NCALD: variants seen among roughly 807,000 people sequenced by gnomAD.
NCALD encodes the protein neurocalcin delta.
NCALD carries 10 observed loss-of-function variants against 18.6 expected under a neutral mutation model. The observed-to-expected ratio is 0.54, with a 90% CI of 0.33 to 0.91. The LOEUF (loss-of-function observed/expected upper bound fraction) is 0.91. Among genes scored for constraint, NCALD ranks in the 40% least tolerant of loss-of-function variants. The pLI is 0.03. For synonymous variants in NCALD, 88 were observed against 87.4 expected (o/e 1.01, Z -0.04); for missense variants, 184 against 247.6 (o/e 0.74, Z 1.72).
chr8:102,095,298 T>C (rs1231907064), intron 1 of NCALD, among the ~76,000 whole-genome samples: 2 of 152,060 alleles, frequency 1.3e-5, no homozygotes, highest in African/African-American at 4.8e-5. Context: ...GTGGGTGGCT[T>C]GTGCTAAAGA....
intron 1 of NCALD, among the ~76,000 whole-genome samples, chr8:101,774,689 C>T (rs867211709): frequency 6.6e-6 from 1 of 152,074 alleles, no homozygotes; most frequent in Non-Finnish European, 1.5e-5. Flanking sequence ...AGGCAATAGG[C>T]GCCATGAATG....
At chr8:101,732,975 G>A (rs141295939) in intron 1 of NCALD, among the ~76,000 whole-genome samples, 48 of 152,140 alleles carry the variant, frequency 3.2e-4, no homozygotes, top group Middle Eastern at 3.4e-3. Flanking sequence ...CTATATCTTG[G>A]TTTTTCTCCA....
intron 1 of NCALD, among the ~76,000 whole-genome samples, chr8:102,105,013 T>C: frequency 6.6e-6 from 1 of 152,166 alleles, no homozygotes; most frequent in East Asian, 1.9e-4. Flanking sequence ...CTCGATATAA[T>C]GTAGAGAGGA....
chr8:101,823,255 G>T (rs1813795571), intron 4 of NCALD, among the ~76,000 whole-genome samples: 1 of 152,140 alleles, frequency 6.6e-6, no homozygotes, highest in Admixed American at 6.5e-5. Flanking sequence ...TATTAGCAAG[G>T]CCATTTTTTC....
chr8:101,734,897 G>A (rs1359610135), intron 1 of NCALD, among the ~76,000 whole-genome samples: 1 of 152,214 alleles, frequency 6.6e-6, no homozygotes, highest in African/African-American at 2.4e-5. Flanking sequence ...TAGATTATCT[G>A]CATTGTGAGT....
chr8:101,988,813 G>T (rs1820926069), intron 2 of NCALD, among the ~76,000 whole-genome samples: 1 of 149,436 alleles, frequency 6.7e-6, no homozygotes, highest in African/African-American at 2.5e-5. Context: ...TTTCCCCAGA[G>T]AGGTTCTGTA....
intron 3 of NCALD, among the ~76,000 whole-genome samples, chr8:101,889,636 G>A (rs1055442696): frequency 1.3e-5 from 2 of 152,128 alleles, no homozygotes; most frequent in African/African-American, 2.4e-5. Context: ...TCAAACATTT[G>A]CAAAATTTCT....
intron 3 of NCALD, among the ~76,000 whole-genome samples, chr8:101,889,442 T>C (rs997321995): frequency 5.9e-5 from 9 of 152,204 alleles, no homozygotes; most frequent in African/African-American, 2.2e-4. Context: ...TCCGGTGATA[T>C]TTCCAATAAA....
At chr8:101,804,471 AG>A (rs1813000059) in intron 4 of NCALD, among the ~76,000 whole-genome samples, 1 of 127,260 alleles carries the variant, frequency 7.9e-6, no homozygotes, top group African/African-American at 3.4e-5. Flanking sequence ...TATATAACAA[AG>A]ATTATTATAT....
At chr8:101,968,215 G>T (rs1820105938) in intron 2 of NCALD, among the ~76,000 whole-genome samples, 1 of 152,112 alleles carries the variant, frequency 6.6e-6, no homozygotes, top group African/African-American at 2.4e-5. Flanking sequence ...GGCTACTCAA[G>T]TGGGTCTTCC....
chr8:101,760,304 G>A (rs527284718), intron 1 of NCALD, among the ~76,000 whole-genome samples: 1 of 152,326 alleles, frequency 6.6e-6, no homozygotes, highest in South Asian at 2.1e-4. Context: ...CTCCAGGCCA[G>A]TGGGCTCTGA....
At chr8:101,951,375 C>A (rs550578549) in intron 2 of NCALD, among the ~76,000 whole-genome samples, 1 of 152,214 alleles carries the variant, frequency 6.6e-6, no homozygotes, top group African/African-American at 2.4e-5. Flanking sequence ...AACTGGAGCA[C>A]CTTCAGCAAT....
intron 2 of NCALD, among the ~76,000 whole-genome samples, chr8:101,946,834 A>AAAAT (rs1491436814): frequency 1.0e-4 from 14 of 139,656 alleles, no homozygotes; most frequent in South Asian, 4.7e-4. Flanking sequence ...AAAAAAAAAA[A>AAAAT]ATCTTGTTTG....
chr8:101,816,190 A>G (rs1210775897), intron 4 of NCALD, among the ~76,000 whole-genome samples: 2 of 152,162 alleles, frequency 1.3e-5, no homozygotes, highest in Non-Finnish European at 2.9e-5. Flanking sequence ...CAATGAAACT[A>G]TGCATATGAT....
intron 1 of NCALD, among the ~76,000 whole-genome samples, chr8:102,058,048 T>C (rs929774615): frequency 1.3e-5 from 2 of 152,222 alleles, no homozygotes; most frequent in Non-Finnish European, 1.5e-5. Context: ...ATTTTCCAGC[T>C]GAGAGACTTC....
chr8:101,978,361 C>T (rs1016186357), intron 2 of NCALD, among the ~76,000 whole-genome samples: 5 of 152,214 alleles, frequency 3.3e-5, no homozygotes, highest in African/African-American at 1.2e-4. Flanking sequence ...CATCCTCACT[C>T]TCATTACTGA....
chr8:102,112,417 C>G (rs1378057982), intron 1 of NCALD, among the ~76,000 whole-genome samples: 1 of 152,146 alleles, frequency 6.6e-6, no homozygotes, highest in African/African-American at 2.4e-5. Flanking sequence ...CAACAGATTG[C>G]CTCCACATTC....
chr8:102,065,199 C>T (rs949729367), intron 1 of NCALD, among the ~76,000 whole-genome samples: 5 of 151,542 alleles, frequency 3.3e-5, no homozygotes, highest in African/African-American at 9.7e-5. Flanking sequence ...CAACAGATTT[C>T]GATCTGCTAA....
At chr8:101,908,860 G>T (rs117706836) in intron 3 of NCALD, among the ~76,000 whole-genome samples, 367 of 152,232 alleles carry the variant, frequency 2.4e-3, no homozygotes, top group Non-Finnish European at 4.2e-3. Flanking sequence ...TTTGGATTAG[G>T]CTCCTGCACT....
Sources: gnomAD v4.1 joint callset for allele counts (sites outside exome capture counted in the v4.1 genomes callset) on GRCh38, gnomAD v4.1.1 for gene constraint, MANE v1.5 for transcripts, NCBI Gene and HGNC (gene_info 2026-07-23, HGNC 2026-07-21) for gene names.